Variants in FAM228B observed in about 807,000 individuals in gnomAD.
FAM228B encodes the protein protein FAM228B.
Under a neutral mutation model 42.6 loss-of-function variants are expected in FAM228B, and 38 were observed. The ratio of observed to expected loss-of-function variants is 0.89; its 90% confidence interval spans 0.69 to 1.17. FAM228B has a LOEUF of 1.17. Among genes scored for constraint, FAM228B ranks in the 50% most tolerant of loss-of-function variants. FAM228B has a pLI of 0.00. For missense variants in FAM228B, 344 were observed against 367.3 expected, an observed-to-expected ratio of 0.94 and a Z score of 0.52; for synonymous variants, 109 against 122.3, an observed-to-expected ratio of 0.89 and a Z score of 0.72.
At chr2:24,093,825 G>T (rs1665441246) in intron 2 of FAM228B, among the ~76,000 whole-genome samples, 1 of 151,800 alleles carries the variant, frequency 6.6e-6, no homozygotes, top group African/African-American at 2.4e-5. Context: ...CACCATATTG[G>T]CCAGGCTGGT....
intron 7 of FAM228B, among the ~76,000 whole-genome samples, chr2:24,154,116 C>T (rs570727816): frequency 4.4e-5 from 2 of 45,376 alleles, no homozygotes; most frequent in Non-Finnish European, 1.6e-4. Context: ...GACTGTCCCT[C>T]CTGCTCTCCT....
intron 3 of FAM228B, among the ~76,000 whole-genome samples, chr2:24,113,067 A>AT (rs1278948568): frequency 6.6e-6 from 1 of 152,110 alleles, no homozygotes; most frequent in Non-Finnish European, 1.5e-5. Flanking sequence ...CATGTGACTC[A>AT]TTTACAACTT....
rs1666416781 is a variant in FAM228B at position 24,129,996 on chromosome 2, T to G, written c.100-5123T>G. Among the ~76,000 whole-genome samples the G allele has an allele frequency of 2.6e-5, 4 of 152,200 alleles. No individual in the cohort carries two copies. In the South Asian group the frequency reaches 8.3e-4, roughly 32 times the overall value. ...GCCCTCGACTGGCCCTGATGTGTGT[T>G]GTTCCCCTCCCTGGGTCCATGTGTT... On this transcript the variant is annotated intron_variant, in intron 2 of 10. Transcript: ENST00000615575.
chr2:24,078,431 T>C (rs1355743959), intron 1 of FAM228B, among the ~76,000 whole-genome samples: 1 of 149,460 alleles, frequency 6.7e-6, no homozygotes. Flanking sequence ...AGGAGGCTGA[T>C]TGTGCCATTG....
At chr2:24,126,418 A>G (rs1411805656) in intron 2 of FAM228B, among the ~76,000 whole-genome samples, 2 of 152,128 alleles carry the variant, frequency 1.3e-5, no homozygotes. Context: ...TTGTGGTTTT[A>G]ATTTGCATTT....
intron 2 of FAM228B, chr2:24,081,131 C>A: frequency 1.3e-4 from 52 of 412,358 alleles, no homozygotes; most frequent in Non-Finnish European, 1.8e-4. Context: ...CACCAAATGC[C>A]AAATCAATCT....
In FAM228B at chr2:24,132,294, T is replaced by G. The variant is rs193237218; in HGVS notation, c.100-2825T>G. On this transcript the variant is annotated intron_variant, in intron 2 of 10. Transcript: ENST00000615575. Reference sequence around the variant, plus strand: ...AGGGATATTGGCCTGAAGTTTCCTTTTTTTGTTGTATCTCTGCCAGATTTT... The same window carrying G: ...AGGGATATTGGCCTGAAGTTTCCTTGTTTTGTTGTATCTCTGCCAGATTTT... Among the ~76,000 whole-genome samples, 676 of 152,252 alleles carry G rather than the reference T, an allele frequency of 4.4e-3. 10 individuals carry two copies. The highest frequency in any genetic ancestry group is 0.027 in the Middle Eastern group (8 of 294).
chr2:24,165,028 A>C (rs540942108), intron 9 of FAM228B, among the ~76,000 whole-genome samples: 1 of 152,340 alleles, frequency 6.6e-6, no homozygotes. Context: ...AATGCTTGGA[A>C]GTAAAGGAGG....
At chr2:24,128,889 ATACTC>A (rs1052241066) in intron 2 of FAM228B, among the ~76,000 whole-genome samples, 3 of 151,606 alleles carry the variant, frequency 2.0e-5, no homozygotes, top group South Asian at 2.1e-4. Context: ...ACCTCTCCAA[ATACTC>A]TACTCTATGC....
intron 3 of FAM228B, among the ~76,000 whole-genome samples, chr2:24,111,360 C>T (rs1006462590): frequency 1.3e-5 from 2 of 152,174 alleles, no homozygotes; most frequent in African/African-American, 4.8e-5. Flanking sequence ...CACCTGGCCC[C>T]ACTTCCATTT....
chr2:24,088,033 G>A (rs1323663932), intron 2 of FAM228B, among the ~76,000 whole-genome samples: 1 of 151,922 alleles, frequency 6.6e-6, no homozygotes, highest in Non-Finnish European at 1.5e-5. Flanking sequence ...GTGAGCCACT[G>A]GGTCCGGCCC....
Position 24,138,096 on chromosome 2 carries a change from A to C in FAM228B, c.356A>C (p.Lys119Thr). ...GATGGCTTTTTAAAACATGTAAATA[A>C]AAAGGTACTAAGAGATCATTTGATG... ...ELDGFLKHVN[K>T]KGNAFIEHYD... Residue 119 changes from lysine to threonine, a missense_variant, in exon 4 of 11, where the codon AAA becomes ACA. By Grantham distance (78) the Lys-to-Thr change is moderately conservative. Coordinates refer to ENST00000615575, the MANE Select transcript of FAM228B (RefSeq NM_001145710.2). 1 of 1,529,634 alleles carries C rather than the reference A, an allele frequency of 6.5e-7. No individual in the cohort carries two copies. The highest frequency in any genetic ancestry group is 8.8e-7 in the Non-Finnish European group (1 of 1,140,370). 94.8% of individuals were successfully genotyped at this position (1,529,634 alleles called of 1,614,324 possible). A position where few individuals can be genotyped will look rare whatever the true frequency, so the allele number is the denominator to read the frequency against.
At chr2:24,165,282 C>T (rs1004469994) in intron 9 of FAM228B, 3 of 451,076 alleles carry the variant, frequency 6.7e-6, no homozygotes, top group South Asian at 3.3e-5. Context: ...ATGAGGCCAA[C>T]TCAAGGCCAA....
chr2:24,116,701 A>G (rs1665929794), intron 3 of FAM228B, among the ~76,000 whole-genome samples: 1 of 151,666 alleles, frequency 6.6e-6, no homozygotes, highest in Admixed American at 6.6e-5. Context: ...CTAAAAATAC[A>G]AACATTAGCC....
In FAM228B at chr2:24,080,958, G is replaced by A; in HGVS notation, c.-210+3G>A. 6.2e-7 allele frequency: 1 copy of A among 1,614,200 alleles called. No homozygotes were observed. The highest frequency in any genetic ancestry group is 8.5e-7 in the Non-Finnish European group (1 of 1,180,028). On this transcript the variant is annotated splice_donor_region_variant and intron_variant, in intron 2 of 10. Transcript: ENST00000613899. This position sits in a 1 kb window ranked among gnomAD's most constrained non-coding sequence, Gnocchi z 4.7. ...GAGGAATAGCTCCAGCCATCCGGGT[G>A]AGTTGGATAGCAGCTGTGCCCACAC...
intron 3 of FAM228B, among the ~76,000 whole-genome samples, chr2:24,116,929 T>G (rs897753845): frequency 6.7e-6 from 1 of 149,054 alleles, no homozygotes; most frequent in African/African-American, 2.5e-5. Flanking sequence ...AAAAAACAAC[T>G]AAGGACCTAG....
At chr2:24,113,838 T>C (rs139047287) in intron 3 of FAM228B, among the ~76,000 whole-genome samples, 137 of 151,446 alleles carry the variant, frequency 9.0e-4, no homozygotes, top group African/African-American at 3.2e-3. Flanking sequence ...GATTGCACCA[T>C]TGCACGCCAG....
chr2:24,104,687 T>C (rs1355429217), intron 3 of FAM228B, among the ~76,000 whole-genome samples: 1 of 151,838 alleles, frequency 6.6e-6, no homozygotes, highest in Non-Finnish European at 1.5e-5. Flanking sequence ...TGGTAGCCAG[T>C]TGGGTAACAA....
chr2:24,152,630 C>T (rs1233172406), intron 7 of FAM228B, among the ~76,000 whole-genome samples: 1 of 152,234 alleles, frequency 6.6e-6, no homozygotes, highest in Non-Finnish European at 1.5e-5. Context: ...CCCAAACAAA[C>T]AGTCTCTCTC....
Sources: allele counts gnomAD v4.1 joint callset (sites outside exome capture counted in the v4.1 genomes callset), GRCh38; gene constraint gnomAD v4.1.1; non-coding constraint Gnocchi (gnomAD v3.1); transcripts MANE v1.5; gene names NCBI Gene and HGNC (gene_info 2026-07-23, HGNC 2026-07-21).